The following ADAM12 variants were observed in gnomAD, a reference collection of about 807,000 sequenced individuals.
ADAM12 encodes the protein ADAM metallopeptidase domain 12, also known as disintegrin and metalloproteinase domain-containing protein 12.
A neutral mutation model predicts 106.4 loss-of-function variants in ADAM12; 70 were observed. The observed-to-expected ratio is 0.66, with a 90% CI of 0.54 to 0.80. ADAM12 has a LOEUF of 0.80. Ranked by LOEUF, ADAM12 falls within the 30% of genes least tolerant of loss-of-function variation. The probability of loss-of-function intolerance (pLI) is 0.00; values close to 1 mark genes in which losing one functional copy is unlikely to be tolerated. For synonymous variants in ADAM12, 420 were observed against 433.5 expected, an observed-to-expected ratio of 0.97 and a Z score of 0.39; for missense variants, 1,010 against 1,171.9, an observed-to-expected ratio of 0.86 and a Z score of 2.02.
intron 3 of ADAM12, among the ~76,000 whole-genome samples, chr10:126,177,056 A>G (rs978484456): frequency 2.7e-5 from 4 of 148,288 alleles, no homozygotes; most frequent in Non-Finnish European, 5.9e-5. Context: ...ACACACACAC[A>G]CGCACACACA....
chr10:126,386,470 A>C (rs1856663517), intron 1 of ADAM12, among the ~76,000 whole-genome samples: 1 of 152,198 alleles, frequency 6.6e-6, no homozygotes, highest in African/African-American at 2.4e-5. Context: ...AGGGTAAACA[A>C]GCAGTGAATC....
At chr10:126,176,635 G>A (rs1254009728) in intron 3 of ADAM12, among the ~76,000 whole-genome samples, 1 of 152,120 alleles carries the variant, frequency 6.6e-6, no homozygotes, top group East Asian at 1.9e-4. Flanking sequence ...CAATTCTTTT[G>A]TTTCAGTGGC....
At chr10:126,247,079 GT>G (rs1485694342) in intron 3 of ADAM12, among the ~76,000 whole-genome samples, 2 of 152,170 alleles carry the variant, frequency 1.3e-5, no homozygotes, top group Non-Finnish European at 2.9e-5. Flanking sequence ...TTTCAAAATT[GT>G]ATAAAATTAC....
chr10:126,332,635 T>C (rs943134600), intron 1 of ADAM12, among the ~76,000 whole-genome samples: 1 of 152,206 alleles, frequency 6.6e-6, no homozygotes, highest in African/African-American at 2.4e-5. Flanking sequence ...GGTGAGCTTA[T>C]AAGCTGAGAG....
chr10:126,294,588 C>T lies in ADAM12; in HGVS notation c.187-15600G>A, dbSNP rs76285058. Among the ~76,000 whole-genome samples the T allele has an allele frequency of 9.8e-3, 1,486 of 152,122 alleles. 12 individuals are homozygous for T. The highest frequency in any genetic ancestry group is 0.031 in the Middle Eastern group (9 of 292). On this transcript the variant is annotated intron_variant, in intron 2 of 22. Transcript: ENST00000448723. Reference sequence around the variant, plus strand: ...ATGACCTGACTTAAATGATGAAAAACTGGGTAAATAATCAACTTACTTGGA... The same window carrying T: ...ATGACCTGACTTAAATGATGAAAAATTGGGTAAATAATCAACTTACTTGGA...
intron 3 of ADAM12, among the ~76,000 whole-genome samples, chr10:126,160,512 C>T (rs1255127033): frequency 6.6e-6 from 1 of 152,162 alleles, no homozygotes; most frequent in Non-Finnish European, 1.5e-5. Flanking sequence ...AGCAATATGA[C>T]CTGATATCGG....
At chr10:126,039,530 A>T (rs1590320324) in intron 18 of ADAM12, 101 bp from the exon 19 acceptor site, 1 of 1,417,378 alleles carries the variant, frequency 7.1e-7, no homozygotes, top group East Asian at 2.4e-5. Context: ...CTGAAGCAAC[A>T]GAAATGAAGA....
At chr10:126,209,157 G>A (rs1957853720) in intron 3 of ADAM12, among the ~76,000 whole-genome samples, 1 of 152,138 alleles carries the variant, frequency 6.6e-6, no homozygotes, top group Non-Finnish European at 1.5e-5. Flanking sequence ...CAACATAGGA[G>A]GGATATTTTC....
intron 2 of ADAM12, among the ~76,000 whole-genome samples, chr10:126,306,803 T>C (rs902410765): frequency 6.6e-6 from 1 of 152,222 alleles, no homozygotes. Flanking sequence ...TCTTGGACTT[T>C]GACTTTCAAC....
intron 1 of ADAM12, among the ~76,000 whole-genome samples, chr10:126,359,396 A>G (rs1855661990): frequency 6.6e-6 from 1 of 152,230 alleles, no homozygotes. Flanking sequence ...TCTGCCTATG[A>G]GCCTGTAAAA....
intron 12 of ADAM12, among the ~76,000 whole-genome samples, chr10:126,068,083 C>T (rs550878164): frequency 6.4e-4 from 98 of 152,146 alleles, no homozygotes; most frequent in African/African-American, 2.2e-3. Context: ...ATCCAGAATG[C>T]GTAATATATA....
At chr10:126,059,063 A>G (rs987738885) in intron 14 of ADAM12, among the ~76,000 whole-genome samples, 4 of 152,200 alleles carry the variant, frequency 2.6e-5, no homozygotes, top group Non-Finnish European at 5.9e-5. Context: ...ATACCATACT[A>G]TATTTTATAA....
intron 1 of ADAM12, among the ~76,000 whole-genome samples, chr10:126,366,366 G>A (rs909810198): frequency 4.6e-5 from 7 of 152,046 alleles, no homozygotes; most frequent in South Asian, 4.1e-4. Flanking sequence ...AGCAGGATGC[G>A]TGATCCTTTC....
intron 16 of ADAM12, among the ~76,000 whole-genome samples, chr10:126,048,452 G>T (rs1186409661): frequency 6.6e-6 from 1 of 152,154 alleles, no homozygotes; most frequent in South Asian, 2.1e-4. Flanking sequence ...GGCTCAGGGT[G>T]TGTGGGGCCA....
intron 3 of ADAM12, among the ~76,000 whole-genome samples, chr10:126,212,131 C>T (rs1957914977): frequency 6.6e-6 from 1 of 152,170 alleles, no homozygotes; most frequent in African/African-American, 2.4e-5. Flanking sequence ...ATGCCAGGTA[C>T]CGCACTGGTG....
intron 5 of ADAM12, among the ~76,000 whole-genome samples, chr10:126,126,077 C>G (rs1956201834): frequency 6.6e-6 from 1 of 152,146 alleles, no homozygotes; most frequent in Non-Finnish European, 1.5e-5. Flanking sequence ...TTGAAGCCAC[C>G]TAGTTTATGG....
chr10:126,307,601 C>T (rs1319376725), intron 2 of ADAM12, among the ~76,000 whole-genome samples: 2 of 152,064 alleles, frequency 1.3e-5, no homozygotes, highest in South Asian at 4.1e-4. Context: ...AGTGCAGTGG[C>T]GCGATCTCGG....
At chr10:126,021,377 G>A (rs1360001982) in intron 21 of ADAM12, among the ~76,000 whole-genome samples, 3 of 152,150 alleles carry the variant, frequency 2.0e-5, no homozygotes, top group Non-Finnish European at 4.4e-5. Context: ...TTTAGCAGTT[G>A]GGGCTCAGCT....
At chr10:126,143,808 C>A (rs1003736062) in intron 4 of ADAM12, among the ~76,000 whole-genome samples, 6 of 151,958 alleles carry the variant, frequency 3.9e-5, no homozygotes, top group African/African-American at 1.5e-4. Flanking sequence ...TGTTGCCAGC[C>A]TGCATTTCAG....
Sources: gnomAD v4.1 joint callset for allele counts (sites outside exome capture counted in the v4.1 genomes callset) on GRCh38, gnomAD v4.1.1 for gene constraint, MANE v1.5 for transcripts, NCBI Gene and HGNC (gene_info 2026-07-23, HGNC 2026-07-21) for gene names.